FARS2: variants seen among roughly 807,000 people sequenced by gnomAD.
FARS2 encodes the protein phenylalanyl-tRNA synthetase 2, mitochondrial, also known as phenylalanine--tRNA ligase, mitochondrial.
FARS2 carries 40 observed loss-of-function variants against 46.4 expected under a neutral mutation model. The ratio of observed to expected loss-of-function variants is 0.86; its 90% CI spans 0.67 to 1.12. FARS2 has a LOEUF of 1.12. FARS2 is among the 50% of genes most tolerant of loss of function. The pLI, the probability that FARS2 is intolerant of heterozygous loss-of-function variation, is 0.00. For missense variants in FARS2, 513 were observed against 567.9 expected (o/e 0.90, Z 0.98); for synonymous variants, 234 against 214.9 (o/e 1.09, Z -0.78).
At chr6:5,756,787 A>G (rs1431966862) in intron 6 of FARS2, among the ~76,000 whole-genome samples, 3 of 152,202 alleles carry the variant, frequency 2.0e-5, no homozygotes, top group Non-Finnish European at 4.4e-5. Context: ...AAGTCATACT[A>G]TCTGATTATA....
intron 4 of FARS2, among the ~76,000 whole-genome samples, chr6:5,534,515 A>AT (rs982191895): frequency 2.6e-4 from 40 of 151,580 alleles, no homozygotes; most frequent in African/African-American, 8.5e-4. Context: ...GAAAGCTTAG[A>AT]TTTTTTTTTG....
At chr6:5,435,439 T>C (rs1295935082) in intron 4 of FARS2, among the ~76,000 whole-genome samples, 3 of 152,258 alleles carry the variant, frequency 2.0e-5, no homozygotes, top group East Asian at 1.9e-4. Flanking sequence ...TATGTGTTTT[T>C]ATGTGTGGAA....
intron 4 of FARS2, among the ~76,000 whole-genome samples, chr6:5,462,708 CTA>C (rs1473104641): frequency 1.3e-5 from 2 of 152,174 alleles, no homozygotes; most frequent in Admixed American, 1.3e-4. Context: ...GCAGTCTTGA[CTA>C]TTGAAGCTTT....
intron 4 of FARS2, among the ~76,000 whole-genome samples, chr6:5,463,116 T>C (rs1419980424): frequency 1.3e-5 from 2 of 152,248 alleles, no homozygotes; most frequent in Admixed American, 1.3e-4. Context: ...GGCCTCTGAC[T>C]TGATCATCTT....
At chr6:5,262,864 C>G (rs767143005) in intron 1 of FARS2, among the ~76,000 whole-genome samples, 1 of 152,162 alleles carries the variant, frequency 6.6e-6, no homozygotes, top group Non-Finnish European at 1.5e-5. Flanking sequence ...CAAATCTAGC[C>G]TCTGCTTTAT....
intron 1 of FARS2, among the ~76,000 whole-genome samples, chr6:5,269,459 T>TA (rs10707069): frequency 0.044 from 6,123 of 137,602 alleles, 453 homozygotes; most frequent in African/African-American, 0.15. Context: ...TAAAGTATAA[T>TA]AAAAAAAAAA....
At chr6:5,619,813 C>T (rs1775670757) in intron 6 of FARS2, among the ~76,000 whole-genome samples, 1 of 151,858 alleles carries the variant, frequency 6.6e-6, no homozygotes. Context: ...TTCCTGTCTC[C>T]CTCTCTTCAT....
chr6:5,361,211 A>G (rs995668177), intron 1 of FARS2, among the ~76,000 whole-genome samples: 1 of 152,184 alleles, frequency 6.6e-6, no homozygotes, highest in Non-Finnish European at 1.5e-5. Context: ...TTATCACTTT[A>G]TGTAGTTGTA....
chr6:5,426,746 C>T (rs1762876920), intron 3 of FARS2, among the ~76,000 whole-genome samples: 1 of 152,214 alleles, frequency 6.6e-6, no homozygotes, highest in Non-Finnish European at 1.5e-5. Context: ...GTGACTCAGC[C>T]TCCCAAGTAG....
At position 5,630,633 on chromosome 6, in the gene FARS2, C is replaced by T. The variant is rs1033898495; in HGVS notation, c.1217+17313C>T. On this transcript the variant is annotated intron_variant, in intron 6 of 6. Coordinates refer to ENST00000274680, the MANE Select transcript of FARS2 (RefSeq NM_006567.5). This position sits in a 1 kb window ranked among gnomAD's most constrained non-coding sequence, Gnocchi z 4.2. ...TTCACGTTGCTGTCATTTACCCGTT[C>T]TGATTTTCCTTCCTCGTATAGCTCA... is the stretch of plus-strand genomic sequence containing the variant. Among the ~76,000 whole-genome samples, 1 of 152,148 alleles carries T rather than the reference C, an allele frequency of 6.6e-6. No individual in the cohort carries two copies.
At chr6:5,285,220 G>A (rs1178191914) in intron 1 of FARS2, among the ~76,000 whole-genome samples, 1 of 152,194 alleles carries the variant, frequency 6.6e-6, no homozygotes, top group Non-Finnish European at 1.5e-5. Flanking sequence ...AGGGTGAGAA[G>A]CATCGGATGC....
chr6:5,469,576 T>A (rs1404968847), intron 4 of FARS2, among the ~76,000 whole-genome samples: 1 of 152,212 alleles, frequency 6.6e-6, no homozygotes, highest in African/African-American at 2.4e-5. Flanking sequence ...GTGTAGAATG[T>A]TCTGTACACT....
chr6:5,614,652 G>T (rs1775375324), intron 6 of FARS2, among the ~76,000 whole-genome samples: 1 of 152,162 alleles, frequency 6.6e-6, no homozygotes, highest in Non-Finnish European at 1.5e-5. Flanking sequence ...GCCCGCCTGG[G>T]CCTCCCAAAG....
intron 6 of FARS2, chr6:5,665,266 A>G (rs1231397796): frequency 6.6e-6 from 1 of 152,366 alleles, no homozygotes; most frequent in East Asian, 1.9e-4. Context: ...GTCCGCTGGC[A>G]GGTGAATAGG....
chr6:5,709,809 G>A (rs1342666318), intron 6 of FARS2, among the ~76,000 whole-genome samples: 1 of 152,058 alleles, frequency 6.6e-6, no homozygotes, highest in Non-Finnish European at 1.5e-5. Context: ...ATACTGAGCA[G>A]AGGCCCGGGG....
intron 6 of FARS2, among the ~76,000 whole-genome samples, chr6:5,617,193 A>T (rs1269224109): frequency 6.6e-6 from 1 of 152,220 alleles, no homozygotes; most frequent in African/African-American, 2.4e-5. Flanking sequence ...ATGCAGGTAT[A>T]CACACACAAC....
chr6:5,621,317 C>A (rs969731310), intron 6 of FARS2, among the ~76,000 whole-genome samples: 1 of 151,906 alleles, frequency 6.6e-6, no homozygotes, highest in Non-Finnish European at 1.5e-5. Context: ...TCTTGAACTC[C>A]TGGCCTCAAG....
intron 4 of FARS2, chr6:5,466,914 T>C: frequency 1.0e-6 from 1 of 985,398 alleles, no homozygotes; most frequent in Non-Finnish European, 1.2e-6. Context: ...ACCTCGGCCT[T>C]ATGCTGCAGT....
intron 6 of FARS2, among the ~76,000 whole-genome samples, chr6:5,646,341 C>T (rs75229065): frequency 0.012 from 1,789 of 152,228 alleles, 21 homozygotes; most frequent in South Asian, 0.034. Context: ...GTGGTTCTGA[C>T]GAACGAGCTG....
Sources: gnomAD v4.1 joint callset for allele counts (sites outside exome capture counted in the v4.1 genomes callset) on GRCh38, gnomAD v4.1.1 for gene constraint, Gnocchi (gnomAD v3.1) non-coding constraint, MANE v1.5 for transcripts, NCBI Gene and HGNC (gene_info 2026-07-23, HGNC 2026-07-21) for gene names.